The following HSF1 variants were observed in gnomAD, a reference collection of about 807,000 sequenced individuals.
HSF1 encodes the protein heat shock factor protein 1.
In HSF1, 32 loss-of-function variants were observed where a neutral mutation model predicts 51.7. The observed-to-expected ratio is 0.62, with a 90% CI of 0.47 to 0.83. The LOEUF (loss-of-function observed/expected upper bound fraction) is 0.83, where lower values mean the gene tolerates loss of function less well. HSF1 is among the 40% of genes least tolerant of loss of function. HSF1 has a pLI of 0.00. For synonymous variants in HSF1, 396 were observed against 309.7 expected (o/e 1.28, Z -2.92); for missense variants, 727 against 717.0 (o/e 1.01, Z -0.16).
chr8:144,308,309 G>T (rs1008920001), intron 1 of HSF1, among the ~76,000 whole-genome samples: 1 of 152,224 alleles, frequency 6.6e-6, no homozygotes. Context: ...AGCGCCTCCT[G>T]ATAGCTCTGG....
intron 1 of HSF1, among the ~76,000 whole-genome samples, chr8:144,303,567 G>A (rs911828869): frequency 6.6e-6 from 1 of 151,150 alleles, no homozygotes; most frequent in African/African-American, 2.4e-5. Flanking sequence ...TAGAAAGCCT[G>A]AACTGTATTT....
rs1329780077 is a variant in HSF1, at chr8:144,311,533, G to A, written c.655G>A (p.Ala219Thr). 6.2e-7 allele frequency: 1 copy of A among 1,613,572 alleles called. No homozygotes were observed. Among genetic ancestry groups the A allele is most frequent in the East Asian group, 2.2e-5 (1 of 44,898 alleles). Reference protein sequence around the residue: ...IPLMLNDSGSAHSMPKYSRQF... With the variant: ...IPLMLNDSGSTHSMPKYSRQF... ...CCTGATGCTGAACGACAGTGGCTCA[G>A]CACATTCCATGCCCAAGTATAGCCG... The change falls in exon 7 of 13, where the codon GCA becomes ACA. Residue 219 changes from alanine (A) to threonine (T), a missense_variant. By Grantham distance (58) the Ala-to-Thr change is moderately conservative. Coordinates refer to ENST00000528838, the MANE Select transcript of HSF1 (RefSeq NM_005526.4).
chr8:144,302,254 A>G (rs1355056926), intron 1 of HSF1, among the ~76,000 whole-genome samples: 1 of 151,946 alleles, frequency 6.6e-6, no homozygotes, highest in Non-Finnish European at 1.5e-5. Flanking sequence ...CACGCCTGTA[A>G]TCCCAGCACT....
At chr8:144,309,998 G>C (rs1816506157) in intron 4 of HSF1, 102 bp downstream of exon 4, 2 of 1,386,516 alleles carry the variant, frequency 1.4e-6, no homozygotes, top group African/African-American at 1.4e-5. Flanking sequence ...CAGGTGCTCA[G>C]CTCCACCCTC....
intron 1 of HSF1, among the ~76,000 whole-genome samples, chr8:144,306,339 CTA>C (rs1816230833): frequency 6.9e-6 from 1 of 145,256 alleles, no homozygotes; most frequent in African/African-American, 2.6e-5. Flanking sequence ...TTGCATATCT[CTA>C]TTTTTTTTTT....
chr8:144,309,617 C>T (rs1397216383), intron 3 of HSF1, 26 bp downstream of exon 3: 3 of 1,611,874 alleles, frequency 1.9e-6, no homozygotes, highest in Non-Finnish European at 2.5e-6. Context: ...GCACCCTTGC[C>T]CGGTCTCACC....
chr8:144,309,069 G>C (rs910137759), intron 2 of HSF1, 55 bp downstream of exon 2: 15 of 1,335,060 alleles, frequency 1.1e-5, no homozygotes, highest in Non-Finnish European at 1.6e-5. Flanking sequence ...TGCAGATGGC[G>C]GGACCCCAGC....
intron 5 of HSF1, 22 bp downstream of exon 5, chr8:144,311,271 C>G: frequency 6.2e-7 from 1 of 1,605,678 alleles, no homozygotes; most frequent in Non-Finnish European, 8.5e-7. Flanking sequence ...GCCAGAGGGC[C>G]GGCGGGGGCC....
intron 1 of HSF1, among the ~76,000 whole-genome samples, chr8:144,302,746 C>T (rs1355663210): frequency 6.6e-6 from 1 of 151,840 alleles, no homozygotes; most frequent in African/African-American, 2.4e-5. Context: ...CTCTTGATCC[C>T]AGGAGGTAGA....
chr8:144,309,730 C>T, intron 3 of HSF1, 42 bp from the exon 4 acceptor site: 1 of 1,604,894 alleles, frequency 6.2e-7, no homozygotes, highest in Non-Finnish European at 8.5e-7. Context: ...CTGCCAAGCT[C>T]CTAGGCTGCT....
Position 144,309,519 on chromosome 8 carries a change from G to A in HSF1, c.291G>A (p.Thr97=), listed in dbSNP as rs781924220. ...GGLVKPERDD[T]EFQHPCFLRG... ...TGGTCAAGCCAGAGAGAGACGACAC[G>A]GAGTTCCAGCACCCATGCTTCCTGC... is the stretch of plus-strand genomic sequence containing the variant. The change falls in exon 3 of 13, where the codon ACG becomes ACA. Residue 97 remains threonine, a synonymous_variant. Transcript: ENST00000528838. The A allele has an allele frequency of 1.5e-5, 24 of 1,613,922 alleles. No individual in the cohort carries two copies. Among genetic ancestry groups the A allele is most frequent in the African/African-American group, 2.7e-5 (2 of 74,912 alleles).
intron 3 of HSF1, 56 bp downstream of exon 3, chr8:144,309,647 C>G: frequency 1.2e-6 from 2 of 1,602,816 alleles, no homozygotes; most frequent in Non-Finnish European, 1.7e-6. Context: ...TCTCCCCGCC[C>G]GCCCCTCCCT....
rs1815094591 is a variant in HSF1, at chr8:144,291,656, G to GGGC, written c.-94_-92dup. 3.2e-6 allele frequency: 2 copies of GGGC among 626,222 alleles called. No homozygotes were observed. Among genetic ancestry groups the GGGC allele is most frequent in the Non-Finnish European group, 4.9e-6 (2 of 405,260 alleles). 38.8% of individuals were successfully genotyped at this position (626,222 alleles called of 1,614,324 possible). On this transcript the variant is annotated 5_prime_UTR_variant, in exon 1 of 13. Coordinates refer to ENST00000528838, the MANE Select transcript of HSF1 (RefSeq NM_005526.4). The surrounding 1 kb of genome is among the most constrained non-coding windows in gnomAD (Gnocchi z 4.1). The stretch of plus-strand genomic sequence containing the variant: ...GGCCCCGGGGCTGTGTGTGCGCAGC[G>GGGC]GGCGGCGGCGCGGCCCGGAAGGCTG...
intron 1 of HSF1, among the ~76,000 whole-genome samples, chr8:144,298,430 C>T (rs1237357327): frequency 7.4e-6 from 1 of 135,698 alleles, no homozygotes; most frequent in African/African-American, 2.8e-5. Context: ...AACCCCGTCT[C>T]TACTAAAAAT....
intron 1 of HSF1, among the ~76,000 whole-genome samples, chr8:144,305,615 A>C (rs575955165): frequency 8.3e-5 from 12 of 144,838 alleles, no homozygotes; most frequent in Non-Finnish European, 1.7e-4. Context: ...CCTCCTTCTT[A>C]TTCCTTCTGT....
At position 144,313,555 on chromosome 8, in the gene HSF1, A is replaced by G; in HGVS notation, c.1187A>G (p.Asp396Gly). ...TTGGATGCTATGGACTCCAACCTGG[A>G]TAACCTGCAGACCATGCTGAGCAGC... ...DHLDAMDSNL[D>G]NLQTMLSSHG... The change falls in exon 10 of 13, where the codon GAT becomes GGT. Residue 396 changes from aspartate (D) to glycine (G), a missense_variant. Physicochemically the swap from Asp to Gly is moderately conservative, Grantham distance 94. Transcript: ENST00000528838. 6.2e-7 allele frequency: 1 copy of G among 1,612,184 alleles called. No individual in the cohort carries two copies. The highest frequency in any genetic ancestry group is 8.5e-7 in the Non-Finnish European group (1 of 1,179,416).
chr8:144,312,688 T>C (rs1554845235), intron 9 of HSF1: 1 of 1,535,444 alleles, frequency 6.5e-7, no homozygotes, highest in African/African-American at 1.4e-5. Context: ...CCTCTTCCTC[T>C]CCGCATGGCC....
Position 144,311,971 on chromosome 8 carries a change from C to A in HSF1, c.869C>A (p.Ser290Tyr). 1 of 1,587,362 alleles carries A rather than the reference C, an allele frequency of 6.3e-7. No homozygotes were observed. Among genetic ancestry groups the A allele is most frequent in the South Asian group, 1.1e-5 (1 of 89,060 alleles). Residue 290 changes from serine to tyrosine, a missense_variant, in exon 9 of 13, where the codon TCC (serine) becomes TAC (tyrosine). Around this residue, in one of 2 missense-constraint regions of HSF1, gnomAD observed 470 missense variants for 398.8 expected, o/e 1.18. Coordinates refer to ENST00000528838, the MANE Select transcript of HSF1 (RefSeq NM_005526.4). ...GCCCCCCTCGTGTGCAGGCCCCTAT[C>A]CAGCAGCCCCCTGGTGCGTGTCAAG... ...PGGSIDERPL[S>Y]SSPLVRVKEE...
intron 1 of HSF1, among the ~76,000 whole-genome samples, chr8:144,302,814 C>CTT (rs1273183009): frequency 6.6e-6 from 1 of 152,022 alleles, no homozygotes; most frequent in Non-Finnish European, 1.5e-5. Flanking sequence ...AAAGCAGACT[C>CTT]TGTCTCGAAA....
Sources: gnomAD v4.1 joint callset for allele counts (sites outside exome capture counted in the v4.1 genomes callset) on GRCh38, gnomAD v4.1.1 for gene constraint, gnomAD v4.1.1 regional missense constraint, Gnocchi (gnomAD v3.1) non-coding constraint, MANE v1.5 for transcripts, NCBI Gene and HGNC (gene_info 2026-07-23, HGNC 2026-07-21) for gene names.